OSTC: variants seen among roughly 807,000 people sequenced by gnomAD.
OSTC encodes oligosaccharyltransferase complex non-catalytic subunit.
Under a neutral mutation model 16.4 loss-of-function variants are expected in OSTC, and 16 were observed. The observed-to-expected ratio is 0.98, with a 90% CI of 0.66 to 1.49. The LOEUF (loss-of-function observed/expected upper bound fraction) is 1.49. OSTC is among the 40% of genes most tolerant of loss of function. The probability of loss-of-function intolerance (pLI) is 0.00; values close to 1 mark genes in which losing one functional copy is unlikely to be tolerated. For missense variants in OSTC, 139 were observed against 186.3 expected (o/e 0.75, Z 1.48); for synonymous variants, 67 against 68.5 (o/e 0.98, Z 0.11).
rs1462938932 is a variant in OSTC, at chr4:108,667,487, T to C, written c.*222T>C. 2.5e-6 allele frequency: 1 copy of C among 406,242 alleles called. No homozygotes were observed. The highest frequency in any genetic ancestry group is 4.4e-6 in the Non-Finnish European group (1 of 226,880). 25.2% of individuals were successfully genotyped at this position (406,242 alleles called of 1,614,324 possible). A position where few individuals can be genotyped will look rare whatever the true frequency, so the allele number is the denominator to read the frequency against. On this transcript the variant is annotated 3_prime_UTR_variant, in exon 4 of 4. Transcript: ENST00000361564. Reference sequence around the variant, plus strand: ...CAGAATTTTTTTTCCTGCTGGCCTATTGCTATACCAATGATGTTGAGTGGC... The same window carrying C: ...CAGAATTTTTTTTCCTGCTGGCCTACTGCTATACCAATGATGTTGAGTGGC...
rs1424954889 is a variant in OSTC at position 108,663,483 on chromosome 4, G to A, written c.432-3764G>A. Among the ~76,000 whole-genome samples the A allele has an allele frequency of 3.9e-5, 6 of 152,214 alleles. No individual in the cohort carries two copies. In the South Asian group the frequency reaches 6.2e-4, roughly 16 times the overall value. On this transcript the variant is annotated intron_variant, in intron 3 of 3. Coordinates refer to ENST00000361564, the MANE Select transcript of OSTC (RefSeq NM_021227.4). Reference sequence around the variant, plus strand: ...CTCCCAAAGTGCTAGGATTACAGGCGTGAGCCAAGGTGCCCAGCCTGAATA... The same window carrying A: ...CTCCCAAAGTGCTAGGATTACAGGCATGAGCCAAGGTGCCCAGCCTGAATA...
At chr4:108,661,699 G>C (rs886280338) in intron 3 of OSTC, among the ~76,000 whole-genome samples, 9 of 152,188 alleles carry the variant, frequency 5.9e-5, no homozygotes, top group African/African-American at 2.2e-4. Context: ...CCAGGTTCAA[G>C]CCATTCTCCT....
rs972794320 is a variant in OSTC at position 108,656,881 on chromosome 4, C to T, written c.234-569C>T. 7.2e-5 allele frequency among the ~76,000 whole-genome samples: 11 copies of T among 152,152 alleles called. No homozygotes were observed. In the East Asian group the frequency reaches 1.5e-3, roughly 21 times the overall value. On this transcript the variant is annotated intron_variant, in intron 2 of 3. Coordinates refer to ENST00000361564, the MANE Select transcript of OSTC (RefSeq NM_021227.4). The stretch of plus-strand genomic sequence containing the variant: ...TTGGGAGGCCGAGATGGGCGGATCA[C>T]GAGGTCAGGAGATTGGGACTATCCT...
At chr4:108,653,383 G>A (rs114052622) in intron 1 of OSTC, among the ~76,000 whole-genome samples, 2 of 152,302 alleles carry the variant, frequency 1.3e-5, no homozygotes, top group African/African-American at 2.4e-5. Flanking sequence ...TGAAGAGTTC[G>A]GGGAAAGGAT....
chr4:108,664,569 A>G (rs1726944708), intron 3 of OSTC, among the ~76,000 whole-genome samples: 1 of 151,360 alleles, frequency 6.6e-6, no homozygotes, highest in African/African-American at 2.4e-5. Context: ...TTCAATGTAT[A>G]TATCCAAAGA....
chr4:108,665,697 T>C (rs943177892), intron 3 of OSTC, among the ~76,000 whole-genome samples: 4 of 151,858 alleles, frequency 2.6e-5, no homozygotes, highest in African/African-American at 9.7e-5. Flanking sequence ...GTAGCTGAGA[T>C]TACAGGCGTC....
intron 3 of OSTC, among the ~76,000 whole-genome samples, chr4:108,665,559 T>TA (rs59879410): frequency 1.4e-5 from 1 of 70,734 alleles, no homozygotes; most frequent in Non-Finnish European, 2.8e-5. Context: ...TGTTTTGTTT[T>TA]TTCTTTTTTT....
chr4:108,662,397 CTCA>C (rs1419191459), intron 3 of OSTC, among the ~76,000 whole-genome samples: 14 of 152,214 alleles, frequency 9.2e-5, no homozygotes, highest in African/African-American at 3.1e-4. Flanking sequence ...CACGTTAACA[CTCA>C]TATTTGTATG....
At chr4:108,658,355 C>T (rs1726765076) in intron 3 of OSTC, among the ~76,000 whole-genome samples, 1 of 151,768 alleles carries the variant, frequency 6.6e-6, no homozygotes, top group Non-Finnish European at 1.5e-5. Context: ...AGGAAGAAAA[C>T]CCATTATGCC....
chr4:108,651,061 TATTTTTCAAG>T (rs1459810435), intron 1 of OSTC: 8 of 412,806 alleles, frequency 1.9e-5, no homozygotes, highest in African/African-American at 1.6e-4. Context: ...GAGTCAAATA[TATTTTTCAAG>T]GCCAAATTGT....
intron 1 of OSTC, among the ~76,000 whole-genome samples, chr4:108,653,050 AC>A (rs1033636783): frequency 1.3e-5 from 2 of 152,004 alleles, no homozygotes; most frequent in African/African-American, 4.8e-5. Flanking sequence ...GAAACAAAAA[AC>A]AAACCCCAAA....
intron 1 of OSTC, chr4:108,651,280 C>G (rs1162973943): frequency 6.3e-6 from 1 of 158,096 alleles, no homozygotes; most frequent in African/African-American, 2.4e-5. Flanking sequence ...AGAGACTTGA[C>G]AATCTTTAGT....
At chr4:108,665,840 G>C (rs1427130252) in intron 3 of OSTC, among the ~76,000 whole-genome samples, 1 of 152,092 alleles carries the variant, frequency 6.6e-6, no homozygotes, top group Non-Finnish European at 1.5e-5. Context: ...TTATAGGCAT[G>C]AGCTACCATG....
intron 3 of OSTC, among the ~76,000 whole-genome samples, chr4:108,661,660 C>T (rs112539473): frequency 0.029 from 4,405 of 152,210 alleles, 205 homozygotes; most frequent in African/African-American, 0.1. Context: ...TGCAATGGCG[C>T]GGTCTCGGCT....
At chr4:108,652,566 T>C (rs2110380442) in intron 1 of OSTC, among the ~76,000 whole-genome samples, 1 of 152,266 alleles carries the variant, frequency 6.6e-6, no homozygotes, top group East Asian at 1.9e-4. Context: ...TGCACCTTTA[T>C]AAATAAACTA....
intron 3 of OSTC, among the ~76,000 whole-genome samples, chr4:108,658,971 C>CTTTTTTTTTTTTTTTTTTTTTT (rs766585998): frequency 1.2e-5 from 1 of 83,896 alleles, no homozygotes; most frequent in African/African-American, 5.3e-5. Flanking sequence ...GGCAGCAGCT[C>CTTTTTTTTTTTTTTTTTTTTTT]TTTTTTTTTT....
intron 3 of OSTC, among the ~76,000 whole-genome samples, chr4:108,658,387 T>C (rs1578339776): frequency 6.6e-6 from 1 of 151,582 alleles, no homozygotes; most frequent in East Asian, 1.9e-4. Flanking sequence ...AAGAGAGTTA[T>C]TGCCCTTCAA....
chr4:108,665,044 G>A (rs1376744561), intron 3 of OSTC, among the ~76,000 whole-genome samples: 2 of 152,162 alleles, frequency 1.3e-5, no homozygotes, highest in Non-Finnish European at 2.9e-5. Context: ...GAGTGTGTGA[G>A]TTCTAGGTTG....
In OSTC at chr4:108,655,666, T is replaced by TA; in HGVS notation, c.233+10dup. 2 of 1,575,982 alleles carry TA rather than the reference T, an allele frequency of 1.3e-6. No homozygotes were observed. Among genetic ancestry groups the TA allele is most frequent in the Non-Finnish European group, 1.7e-6 (2 of 1,146,238 alleles). ...GCTTTCTTGGCCTACAGGTAAAAGATACCTTTTTGAATGATTTGGTGGTGG... is the reference window on the plus strand; with the variant it reads ...GCTTTCTTGGCCTACAGGTAAAAGATAACCTTTTTGAATGATTTGGTGGTGG... On this transcript the variant is annotated intron_variant, in intron 2 of 3. Coordinates refer to ENST00000361564, the MANE Select transcript of OSTC (RefSeq NM_021227.4).
Sources: gnomAD v4.1 joint callset for allele counts (sites outside exome capture counted in the v4.1 genomes callset) on GRCh38, gnomAD v4.1.1 for gene constraint, MANE v1.5 for transcripts, NCBI Gene and HGNC (gene_info 2026-07-23, HGNC 2026-07-21) for gene names.